The following PARP15 variants were observed in gnomAD, a reference collection of about 807,000 sequenced individuals.
PARP15 encodes the protein protein mono-ADP-ribosyltransferase PARP15.
A neutral mutation model predicts 62.1 loss-of-function variants in PARP15; 50 were observed. The observed-to-expected ratio is 0.81, with a 90% CI of 0.64 to 1.02. The LOEUF is 1.02. Ranked by LOEUF, PARP15 falls within the 50% of genes least tolerant of loss-of-function variation. The probability of loss-of-function intolerance (pLI) is 0.00; values close to 1 mark genes in which losing one functional copy is unlikely to be tolerated. For missense variants in PARP15, 820 were observed against 826.5 expected, an observed-to-expected ratio of 0.99 and a Z score of 0.10; for synonymous variants, 309 against 293.1, an observed-to-expected ratio of 1.05 and a Z score of -0.55.
At chr3:122,580,653 G>A (rs969958071) in intron 1 of PARP15, among the ~76,000 whole-genome samples, 21 of 152,080 alleles carry the variant, frequency 1.4e-4, no homozygotes, top group African/African-American at 4.6e-4. Flanking sequence ...AATGTCTTCC[G>A]GGTTCATCCA....
intron 1 of PARP15, among the ~76,000 whole-genome samples, chr3:122,581,389 T>C (rs2080798964): frequency 6.6e-6 from 1 of 152,208 alleles, no homozygotes; most frequent in Non-Finnish European, 1.5e-5. Context: ...ATTTTCTTTC[T>C]TCCTTCCTTC....
chr3:122,615,630 G>A (rs939238870), intron 4 of PARP15, 149 bp from the exon 5 acceptor site: 32 of 1,494,616 alleles, frequency 2.1e-5, no homozygotes, highest in East Asian at 4.6e-5. Context: ...AGGTTGAACC[G>A]CAATCCTTTA....
chr3:122,610,144 C>T (rs868203743), intron 2 of PARP15, among the ~76,000 whole-genome samples: 5 of 152,208 alleles, frequency 3.3e-5, no homozygotes, highest in Non-Finnish European at 7.3e-5. Context: ...GTCTCTGTCT[C>T]TGTTTTTCAC....
At chr3:122,624,374 C>G (rs187692537) in intron 8 of PARP15, among the ~76,000 whole-genome samples, 1 of 152,120 alleles carries the variant, frequency 6.6e-6, no homozygotes, top group African/African-American at 2.4e-5. Flanking sequence ...TCAATTCTTT[C>G]GAGTTTGACC....
intron 1 of PARP15, among the ~76,000 whole-genome samples, chr3:122,581,597 T>G (rs916678131): frequency 6.6e-6 from 1 of 152,236 alleles, no homozygotes; most frequent in African/African-American, 2.4e-5. Flanking sequence ...ATCAGGTTTT[T>G]GTTGAAGTTG....
chr3:122,631,024 G>A (rs1379285043), intron 9 of PARP15, among the ~76,000 whole-genome samples: 2 of 152,148 alleles, frequency 1.3e-5, no homozygotes, highest in African/African-American at 4.8e-5. Context: ...CAGCCTCAGG[G>A]CATGAAAGGA....
At position 122,602,541 on chromosome 3, in the gene PARP15, C is replaced by CCAAACT. The variant is rs538488392; in HGVS notation, c.187-3392_187-3387dup. Among the ~76,000 whole-genome samples, 31 of 152,284 alleles carry CCAAACT rather than the reference C, an allele frequency of 2.0e-4. No homozygotes were observed. The South Asian group carries it at 6.2e-3, about 31-fold the overall frequency. On this transcript the variant is annotated intron_variant, in intron 1 of 11. Transcript: ENST00000464300. ...TTAATAAATCACTTGCATATGAATC[C>CCAAACT]CAAACTCAGGCTCTGTTGCTAGGGA...
chr3:122,635,962 C>T lies in PARP15; in HGVS notation c.1899C>T (p.Val633=). 1.2e-6 allele frequency: 2 copies of T among 1,614,154 alleles called. No individual in the cohort carries two copies. Among genetic ancestry groups the T allele is most frequent in the Non-Finnish European group, 1.7e-6 (2 of 1,180,030 alleles). ...TCACAAAGGGACGTGCAGGATTAGT[C>T]ACCCCTCCACCCAAGAATCCTCACA... The part of the protein sequence containing the change: ...GVFTKGRAGL[V]TPPPKNPHNP... Residue 633 remains valine (V), a synonymous_variant, in exon 12 of 12, where the codon GTC becomes GTT. Transcript: ENST00000464300.
At chr3:122,604,173 C>G (rs1576504211) in intron 1 of PARP15, among the ~76,000 whole-genome samples, 1 of 152,148 alleles carries the variant, frequency 6.6e-6, no homozygotes, top group Non-Finnish European at 1.5e-5. Flanking sequence ...AGTACTGTGT[C>G]CTTCATTAGC....
At position 122,613,248 on chromosome 3, in the gene PARP15, A is replaced by C. The variant is rs1935701631; in HGVS notation, c.751A>C (p.Asn251His). 4 of 1,548,282 alleles carry C rather than the reference A, an allele frequency of 2.6e-6. No homozygotes were observed. The highest frequency in any genetic ancestry group is 1.4e-5 in the African/African-American group (1 of 72,946). ...LQEVHFLVYT[N>H]DDEGCQAFLD... ...AGAAGTCCACTTTCTGGTATATACA[A>C]ATGACGATGAAGGCTGTCAGGTATG... The change falls in exon 4 of 12, where the codon AAT becomes CAT. Residue 251 changes from asparagine to histidine, a missense_variant. Asn to His is a moderately conservative substitution (Grantham distance 68). Around this residue, in one of 3 missense-constraint regions of PARP15, gnomAD observed 731 missense variants for 727.7 expected, o/e 1.00. Transcript: ENST00000464300.
rs1332395188 is a variant in PARP15, at chr3:122,615,829, C to T, written c.822C>T (p.Ala274=). ...GGTCAAGAATAAATCCCAACAAGGC[C>T]AGGATTCCCATGGCAGGAGATACCC... The part of the protein sequence containing the change: ...TNWSRINPNK[A]RIPMAGDTQG... The change falls in exon 5 of 12, where the codon GCC becomes GCT. Residue 274 remains alanine, a synonymous_variant. Coordinates refer to ENST00000464300, the MANE Select transcript of PARP15 (RefSeq NM_001113523.3). The T allele has an allele frequency of 1.2e-6, 2 of 1,613,438 alleles. No individual in the cohort carries two copies. Among genetic ancestry groups the T allele is most frequent in the Admixed American group, 3.3e-5 (2 of 59,936 alleles).
At chr3:122,593,112 C>G (rs965886370) in intron 1 of PARP15, among the ~76,000 whole-genome samples, 4 of 95,550 alleles carry the variant, frequency 4.2e-5, no homozygotes, top group African/African-American at 1.2e-4. Flanking sequence ...ATCTATCTAT[C>G]TATCTATCTA....
chr3:122,611,077 G>A (rs1277971454), intron 3 of PARP15, among the ~76,000 whole-genome samples: 1 of 152,112 alleles, frequency 6.6e-6, no homozygotes, highest in Admixed American at 6.6e-5. Context: ...CATTCATTGG[G>A]ATTCTACAGG....
intron 2 of PARP15, among the ~76,000 whole-genome samples, chr3:122,607,765 C>T (rs1935253547): frequency 6.6e-6 from 1 of 152,118 alleles, no homozygotes; most frequent in Admixed American, 6.6e-5. Context: ...CTTTGGAATC[C>T]TCTTTATCTT....
At chr3:122,593,044 C>T (rs1176760278) in intron 1 of PARP15, among the ~76,000 whole-genome samples, 5 of 149,256 alleles carry the variant, frequency 3.3e-5, no homozygotes, top group African/African-American at 1.3e-4. Context: ...ATCTTCTAGT[C>T]ACCTTGAACA....
intron 8 of PARP15, among the ~76,000 whole-genome samples, chr3:122,624,162 A>G (rs1488965791): frequency 6.6e-6 from 1 of 151,922 alleles, no homozygotes; most frequent in Non-Finnish European, 1.5e-5. Flanking sequence ...GAAAAAAAAA[A>G]AGAAAGAAAG....
At chr3:122,597,467 C>T (rs1253471132) in intron 1 of PARP15, among the ~76,000 whole-genome samples, 2 of 152,030 alleles carry the variant, frequency 1.3e-5, no homozygotes, top group Non-Finnish European at 2.9e-5. Flanking sequence ...CCCATTAACT[C>T]GTCATCCTGA....
chr3:122,603,728 C>T (rs555101518), intron 1 of PARP15, among the ~76,000 whole-genome samples: 6 of 152,068 alleles, frequency 3.9e-5, no homozygotes, highest in Admixed American at 6.6e-5. Flanking sequence ...TGGGAGATCA[C>T]GGATAAAACT....
chr3:122,619,574 G>A lies in PARP15; in HGVS notation c.1001-207G>A, dbSNP rs116128503. 4.0e-3 allele frequency among the ~76,000 whole-genome samples: 604 copies of A among 152,300 alleles called. 3 individuals carry two copies. The highest frequency in any genetic ancestry group is 7.0e-3 in the Non-Finnish European group (476 of 68,032). On this transcript the variant is annotated intron_variant, in intron 6 of 11. Coordinates refer to ENST00000464300, the MANE Select transcript of PARP15 (RefSeq NM_001113523.3). ...TAAAGTTGCAGACGCCAGCCTTTCA[G>A]CTCCTGGGCACTTCCATGGCACTGA...
Sources: gnomAD v4.1 joint callset for allele counts (sites outside exome capture counted in the v4.1 genomes callset) on GRCh38, gnomAD v4.1.1 for gene constraint, gnomAD v4.1.1 regional missense constraint, MANE v1.5 for transcripts, NCBI Gene and HGNC (gene_info 2026-07-23, HGNC 2026-07-21) for gene names.